FAAH2: variants seen among roughly 807,000 people sequenced by gnomAD.
FAAH2 encodes fatty-acid amide hydrolase 2.
Under a neutral mutation model 36.9 loss-of-function variants are expected in FAAH2, and 60 were observed. The observed-to-expected ratio is 1.63, with a 90% CI of 1.32 to 2.02. FAAH2 has a LOEUF of 2.02. Ranked by LOEUF, FAAH2 falls within the 30% of genes most tolerant of loss-of-function variation. The pLI is 0.00. For missense variants in FAAH2, 689 were observed against 397.5 expected (o/e 1.73, Z -6.23); for synonymous variants, 214 against 143.8 (o/e 1.49, Z -3.49).
chrX:57,455,496 A>G (rs1450550327), intron 10 of FAAH2, among the ~76,000 whole-genome samples: 1 of 111,246 alleles, frequency 9.0e-6, no homozygotes, highest in Non-Finnish European at 1.9e-5. Flanking sequence ...TAAAATGCAT[A>G]GAGTGGCAAG....
intron 2 of FAAH2, among the ~76,000 whole-genome samples, chrX:57,306,522 T>G (rs780064494): frequency 9.1e-6 from 1 of 109,855 alleles, no homozygotes; most frequent in South Asian, 3.9e-4. Flanking sequence ...GATGTAGCTC[T>G]GGACTCTCAA....
the FAAH2 span, among the ~76,000 whole-genome samples, chrX:57,215,467 A>G: frequency 9.0e-6 from 1 of 111,714 alleles, no homozygotes; most frequent in Non-Finnish European, 1.9e-5. Flanking sequence ...ATTACTGGGT[A>G]TATACCCAAA....
intron 10 of FAAH2, among the ~76,000 whole-genome samples, chrX:57,465,326 G>A (rs1421282374): frequency 9.0e-5 from 10 of 111,038 alleles, no homozygotes; most frequent in Admixed American, 2.9e-4. Flanking sequence ...AAGAAAAGAT[G>A]AATCAAAAAA....
chrX:57,261,376 A>T, the FAAH2 span, among the ~76,000 whole-genome samples: 1 of 109,045 alleles, frequency 9.2e-6, no homozygotes, highest in Non-Finnish European at 1.9e-5. Context: ...ATCATGGTGA[A>T]ACCCTGTCTC....
At chrX:57,255,890 A>C in the FAAH2 span, among the ~76,000 whole-genome samples, 155 of 111,413 alleles carry the variant, frequency 1.4e-3, no homozygotes, top group Non-Finnish European at 1.9e-3. Context: ...CTCTCTCACC[A>C]CTCCTATTCA....
chrX:57,314,298 C>T (rs966252667), intron 3 of FAAH2, among the ~76,000 whole-genome samples: 17 of 111,097 alleles, frequency 1.5e-4, no homozygotes, highest in African/African-American at 3.6e-4. Flanking sequence ...TAGGAGATTT[C>T]AAAACCCCAC....
intron 2 of FAAH2, among the ~76,000 whole-genome samples, chrX:57,306,751 A>G (rs2052538352): frequency 1.0e-5 from 1 of 96,802 alleles, no homozygotes; most frequent in South Asian, 5.1e-4. Flanking sequence ...CACACACACT[A>G]TATGTATACA....
intron 7 of FAAH2, among the ~76,000 whole-genome samples, chrX:57,416,563 C>T (rs186110514): frequency 1.8e-5 from 2 of 112,210 alleles, no homozygotes; most frequent in Non-Finnish European, 3.8e-5. Context: ...GGCCCCCACT[C>T]TATTCTGGCT....
intron 8 of FAAH2, among the ~76,000 whole-genome samples, chrX:57,442,824 G>A (rs2056591949): frequency 1.8e-5 from 2 of 111,121 alleles, no homozygotes; most frequent in Admixed American, 9.6e-5. Context: ...AAATCTCTCG[G>A]CATTTGCTTG....
chrX:57,385,007 A>G (rs1169805047), intron 7 of FAAH2, among the ~76,000 whole-genome samples: 2 of 111,211 alleles, frequency 1.8e-5, no homozygotes, highest in Non-Finnish European at 3.8e-5. Flanking sequence ...GGAAACCATT[A>G]TTCTCAGCAA....
intron 4 of FAAH2, among the ~76,000 whole-genome samples, chrX:57,336,424 G>A (rs758622954): frequency 9.0e-6 from 1 of 111,589 alleles, no homozygotes; most frequent in East Asian, 2.8e-4. Context: ...AAGCCTGTTT[G>A]GTGGTCTCTT....
chrX:57,208,221 G>C, the FAAH2 span, among the ~76,000 whole-genome samples: 1 of 112,328 alleles, frequency 8.9e-6, no homozygotes, highest in Admixed American at 9.4e-5. Flanking sequence ...AAAATAAGGA[G>C]GGGATGCAGA....
the FAAH2 span, among the ~76,000 whole-genome samples, chrX:57,249,413 C>A: frequency 8.9e-6 from 1 of 112,099 alleles, no homozygotes; most frequent in Non-Finnish European, 1.9e-5. Context: ...CACCTTGTTC[C>A]AGGGCCCATT....
the FAAH2 span, among the ~76,000 whole-genome samples, chrX:57,130,813 A>G: frequency 8.9e-6 from 1 of 112,078 alleles, no homozygotes; most frequent in Non-Finnish European, 1.9e-5. Flanking sequence ...TGCCTCCAAA[A>G]TTGATTTTTA....
intron 5 of FAAH2, among the ~76,000 whole-genome samples, chrX:57,358,167 T>A (rs866545090): frequency 2.8e-4 from 31 of 110,114 alleles, no homozygotes; most frequent in South Asian, 3.9e-4. Context: ...TTTTTTTTTT[T>A]AAATTTTATT....
intron 10 of FAAH2, among the ~76,000 whole-genome samples, chrX:57,455,541 C>A (rs2056851188): frequency 9.0e-6 from 1 of 111,398 alleles, no homozygotes; most frequent in Admixed American, 9.6e-5. Flanking sequence ...AATCTACTGT[C>A]TTCAAGAGAC....
the FAAH2 span, among the ~76,000 whole-genome samples, chrX:57,178,846 T>G: frequency 9.0e-5 from 10 of 111,486 alleles, no homozygotes; most frequent in Non-Finnish European, 1.7e-4. Context: ...CACTCAGAAG[T>G]CAAAACTGCC....
the FAAH2 span, among the ~76,000 whole-genome samples, chrX:57,140,417 C>CAAAAAAAAAAAAAA: frequency 7.7e-5 from 5 of 64,826 alleles, no homozygotes; most frequent in African/African-American, 3.3e-4. Context: ...CCATCTCTAC[C>CAAAAAAAAAAAAAA]AAAAAAAAAA....
chrX:57,311,827 A>T (rs1309221947), intron 3 of FAAH2, among the ~76,000 whole-genome samples: 2 of 112,115 alleles, frequency 1.8e-5, no homozygotes, highest in African/African-American at 6.5e-5. Flanking sequence ...TGGATCCCCT[A>T]GCACAGGCAG....
Sources: allele counts gnomAD v4.1 joint callset (sites outside exome capture counted in the v4.1 genomes callset), GRCh38; gene constraint gnomAD v4.1.1; transcripts MANE v1.5; gene names NCBI Gene and HGNC (gene_info 2026-07-23, HGNC 2026-07-21).